Variants in STT3A observed in about 807,000 individuals in gnomAD.
The protein encoded by STT3A is dolichyl-diphosphooligosaccharide--protein glycosyltransferase subunit STT3A.
STT3A carries 34 observed loss-of-function variants against 89.2 expected under a neutral mutation model. The observed-to-expected ratio is 0.38, with a 90% CI of 0.29 to 0.51. STT3A has a LOEUF of 0.51. Among genes scored for constraint, STT3A ranks in the 20% least tolerant of loss-of-function variants. STT3A has a pLI of 0.89. For synonymous variants in STT3A, 282 were observed against 310.3 expected (o/e 0.91, Z 0.96); for missense variants, 555 against 889.5 (o/e 0.62, Z 4.78).
chr11:125,620,782 T>C lies in STT3A; in HGVS notation c.2090T>C (p.Leu697Pro), dbSNP rs774925673. The C allele has an allele frequency of 1.2e-5, 19 of 1,613,850 alleles. No homozygotes were observed. Among genetic ancestry groups the C allele is most frequent in the Non-Finnish European group, 1.6e-5 (19 of 1,179,912 alleles). ...ATCTTTATGTTGCAGGTAAAGGACC[T>C]GGATAATCGAGGCTTGTCAAGGACA... ...WLVRIYKVKDLDNRGLSRT is the reference protein window; with the variant it reads ...WLVRIYKVKDPDNRGLSRT The change falls in exon 18 of 18, where the codon CTG (leucine) becomes CCG (proline). Residue 697 changes from leucine to proline, a missense_variant. This residue lies in a region of STT3A where 273 missense variants were observed against 449.8 expected (regional missense o/e 0.61). Transcript: ENST00000392708.
intron 3 of STT3A, among the ~76,000 whole-genome samples, chr11:125,597,696 T>C (rs1488358194): frequency 1.3e-5 from 2 of 152,184 alleles, no homozygotes; most frequent in African/African-American, 4.8e-5. Context: ...GTGATAGAAA[T>C]TGGGCTTCTT....
At chr11:125,618,233 CCTCA>C (rs575450711) in intron 15 of STT3A, 136 bp from the exon 16 acceptor site, 59 of 764,708 alleles carry the variant, frequency 7.7e-5, no homozygotes, top group East Asian at 6.0e-4. Flanking sequence ...CGTATGTTGT[CCTCA>C]CTATTTTTAC....
Position 125,598,069 on chromosome 11 carries a change from G to T in STT3A, c.149+950G>T, listed in dbSNP as rs1939548502. 2.0e-5 allele frequency among the ~76,000 whole-genome samples: 3 copies of T among 152,126 alleles called. No individual in the cohort carries two copies. In the South Asian group the frequency reaches 6.2e-4, roughly 32 times the overall value. On this transcript the variant is annotated intron_variant, in intron 3 of 17. Transcript: ENST00000392708. ...TCTACTAAAAATACAAAAATTAGCTGGGCATGGTGGCATGTGCCCGTAATC... is the reference window on the plus strand; with the variant it reads ...TCTACTAAAAATACAAAAATTAGCTTGGCATGGTGGCATGTGCCCGTAATC...
At position 125,613,028 on chromosome 11, in the gene STT3A, A is replaced by G. The variant is rs898372644; in HGVS notation, c.1405A>G (p.Ile469Val). 7.4e-6 allele frequency: 12 copies of G among 1,613,390 alleles called. No individual in the cohort carries two copies. Among genetic ancestry groups the G allele is most frequent in the South Asian group, 2.2e-5 (2 of 91,082 alleles). ...GATACTGGTCATGGCTTTCTTTCTCATCACCTACACCTTTCATTCAACCTG... is the reference window on the plus strand; with the variant it reads ...GATACTGGTCATGGCTTTCTTTCTCGTCACCTACACCTTTCATTCAACCTG... Reference protein sequence around the residue: ...GMILVMAFFLITYTFHSTWVT... With the variant: ...GMILVMAFFLVTYTFHSTWVT... Residue 469 changes from isoleucine (I) to valine (V), a missense_variant, in exon 13 of 18, where the codon ATC (isoleucine) becomes GTC (valine). By Grantham distance (29) the Ile-to-Val change is conservative (BLOSUM62 3). Transcript: ENST00000392708. The surrounding 1 kb of genome is among the most constrained non-coding windows in gnomAD (Gnocchi z 4.2).
chr11:125,598,645 C>T (rs1939573052), intron 3 of STT3A, among the ~76,000 whole-genome samples: 1 of 152,092 alleles, frequency 6.6e-6, no homozygotes, highest in Admixed American at 6.5e-5. Context: ...CTGACTGTCA[C>T]CCAAGCTGAA....
At chr11:125,607,478 A>G (rs1939873133) in intron 8 of STT3A, among the ~76,000 whole-genome samples, 1 of 152,238 alleles carries the variant, frequency 6.6e-6, no homozygotes, top group African/African-American at 2.4e-5. Flanking sequence ...GCAGCTGTCT[A>G]TATCCGATAG....
intron 9 of STT3A, 146 bp from the exon 10 acceptor site, chr11:125,609,288 C>G (rs910550759): frequency 4.2e-6 from 4 of 943,472 alleles, no homozygotes; most frequent in Non-Finnish European, 6.0e-6. Context: ...AGGAGTGAAA[C>G]TCTCTAAGTA....
At chr11:125,601,403 C>T (rs1222857227) in intron 3 of STT3A, among the ~76,000 whole-genome samples, 1 of 152,092 alleles carries the variant, frequency 6.6e-6, no homozygotes. Flanking sequence ...GGTGGATCAC[C>T]TGAGGTCAGG....
intron 1 of STT3A, chr11:125,595,164 C>CTTTTT (rs397940239): frequency 7.1e-6 from 1 of 139,936 alleles, no homozygotes. Flanking sequence ...TTCACTTCTT[C>CTTTTT]TTTTTTTTTT....
At chr11:125,599,968 A>G (rs990997311) in intron 3 of STT3A, among the ~76,000 whole-genome samples, 5 of 149,938 alleles carry the variant, frequency 3.3e-5, no homozygotes, top group Non-Finnish European at 7.4e-5. Flanking sequence ...TGCTCAAGCG[A>G]TCCATCCACC....
At chr11:125,618,193 G>A (rs1234142262) in intron 15 of STT3A, among the ~76,000 whole-genome samples, 180 bp from the exon 16 acceptor site, 1 of 152,154 alleles carries the variant, frequency 6.6e-6, no homozygotes, top group Non-Finnish European at 1.5e-5. Context: ...TCTCAGAAAA[G>A]TTGTATATTT....
At chr11:125,606,508 T>C (rs768419230) in intron 8 of STT3A, 43 bp downstream of exon 8, 5 of 1,576,610 alleles carry the variant, frequency 3.2e-6, no homozygotes, top group Non-Finnish European at 4.3e-6. Context: ...CTACTTTTTC[T>C]ATGCAGCCCC....
At position 125,614,363 on chromosome 11, in the gene STT3A, A is replaced by G; in HGVS notation, c.1711A>G (p.Arg571Gly). Residue 571 changes from arginine (R) to glycine (G), a missense_variant, in exon 15 of 18, where the codon AGG becomes GGG. This residue lies in a region of STT3A where 273 missense variants were observed against 449.8 expected (regional missense o/e 0.61). Transcript: ENST00000392708. This position sits in a 1 kb window ranked among gnomAD's most constrained non-coding sequence, Gnocchi z 4.9. The stretch of plus-strand genomic sequence containing the variant: ...AGAGGAAAAAGCCTATGAGATCATG[A>G]GGGAGCTCGATGTCAGCTATGTGCT... ...STEEKAYEIM[R>G]ELDVSYVLVI... The G allele has an allele frequency of 6.2e-7, 1 of 1,614,128 alleles. No individual in the cohort carries two copies. The highest frequency in any genetic ancestry group is 8.5e-7 in the Non-Finnish European group (1 of 1,180,026).
At chr11:125,612,303 A>G (rs1471450993) in intron 11 of STT3A, among the ~76,000 whole-genome samples, 1 of 152,212 alleles carries the variant, frequency 6.6e-6, no homozygotes, top group Non-Finnish European at 1.5e-5. Flanking sequence ...GATTTTATAT[A>G]TTGTAGTAAA....
intron 15 of STT3A, among the ~76,000 whole-genome samples, chr11:125,616,355 A>G (rs1565351899): frequency 1.3e-5 from 2 of 152,354 alleles, no homozygotes; most frequent in East Asian, 3.9e-4. Context: ...TTGTTTAGGT[A>G]ACAATGACAA....
intron 4 of STT3A, 94 bp downstream of exon 4, chr11:125,602,518 T>C: frequency 7.4e-7 from 1 of 1,350,306 alleles, no homozygotes; most frequent in Non-Finnish European, 9.9e-7. Flanking sequence ...TAGCTTTGTC[T>C]TGTGACACTT....
intron 7 of STT3A, 70 bp from the exon 8 acceptor site, chr11:125,606,231 T>C: frequency 7.2e-7 from 1 of 1,387,118 alleles, no homozygotes; most frequent in Non-Finnish European, 9.9e-7. Flanking sequence ...ACAGGTGATA[T>C]CCTACAATAT....
chr11:125,593,728 A>T (rs1939392264), intron 1 of STT3A: 1 of 152,246 alleles, frequency 6.6e-6, no homozygotes, highest in South Asian at 2.1e-4. Context: ...GTTGCAAAGT[A>T]AGCTTTCCCT....
intron 8 of STT3A, 131 bp from the exon 9 acceptor site, chr11:125,607,978 G>T: frequency 1.1e-6 from 1 of 902,974 alleles, no homozygotes; most frequent in Non-Finnish European, 1.6e-6. Flanking sequence ...CCCTAGATTG[G>T]CCCTGATTCC....
Sources: gnomAD v4.1 joint callset for allele counts (sites outside exome capture counted in the v4.1 genomes callset) on GRCh38, gnomAD v4.1.1 for gene constraint, gnomAD v4.1.1 regional missense constraint, Gnocchi (gnomAD v3.1) non-coding constraint, MANE v1.5 for transcripts, NCBI Gene and HGNC (gene_info 2026-07-23, HGNC 2026-07-21) for gene names.